PRR14L: variants seen among roughly 807,000 people sequenced by gnomAD.
The protein encoded by PRR14L is protein PRR14L.
A neutral mutation model predicts 155.0 loss-of-function variants in PRR14L; 80 were observed. The observed-to-expected ratio is 0.52, with a 90% CI of 0.43 to 0.62. The LOEUF is 0.62. PRR14L is among the 20% of genes least tolerant of loss of function. The pLI, the probability that PRR14L is intolerant of heterozygous loss-of-function variation, is 0.00. For synonymous variants in PRR14L, 883 were observed against 916.0 expected (o/e 0.96, Z 0.65); for missense variants, 2,469 against 2,548.0 (o/e 0.97, Z 0.67).
chr22:31,730,214 T>C (rs1360833958), intron 2 of PRR14L, among the ~76,000 whole-genome samples: 1 of 149,982 alleles, frequency 6.7e-6, no homozygotes, highest in Non-Finnish European at 1.5e-5. Flanking sequence ...CCAAGGCGGG[T>C]GGATCACAAG....
chr22:31,736,279 G>A lies in PRR14L; in HGVS notation c.474+2108C>T, dbSNP rs529655738. Among the ~76,000 whole-genome samples the A allele has an allele frequency of 3.1e-4, 47 of 149,222 alleles. 1 individual carries two copies. In the South Asian group the frequency reaches 8.0e-3, roughly 26 times the overall value. ...CACATGCCTGTAATCCCAGCTACTC[G>A]GGAGGCTGAAGCAGGAGAATTGCTT... On this transcript the variant is annotated intron_variant, in intron 2 of 8. Coordinates refer to ENST00000327423, the MANE Select transcript of PRR14L (RefSeq NM_173566.3).
intron 3 of PRR14L, among the ~76,000 whole-genome samples, chr22:31,718,534 G>A (rs1416533157): frequency 5.2e-5 from 7 of 135,348 alleles, no homozygotes; most frequent in Non-Finnish European, 9.5e-5. Context: ...GATTACAGGC[G>A]TGAGCCACCA....
chr22:31,707,245 AG>A (rs1373308605), intron 4 of PRR14L, among the ~76,000 whole-genome samples: 1 of 152,206 alleles, frequency 6.6e-6, no homozygotes, highest in Non-Finnish European at 1.5e-5. Flanking sequence ...TTTCAACACC[AG>A]GAAACAGAAA....
intron 4 of PRR14L, among the ~76,000 whole-genome samples, chr22:31,708,665 G>C (rs1234222431): frequency 6.6e-6 from 1 of 151,858 alleles, no homozygotes; most frequent in East Asian, 1.9e-4. Context: ...TCTTGAGACA[G>C]AGTCTCACTT....
intron 2 of PRR14L, among the ~76,000 whole-genome samples, chr22:31,737,833 C>T (rs1329677097): frequency 1.3e-5 from 2 of 151,666 alleles, no homozygotes; most frequent in Non-Finnish European, 2.9e-5. Context: ...GCCAACATGA[C>T]GAAACCCCGT....
intron 4 of PRR14L, among the ~76,000 whole-genome samples, chr22:31,709,078 C>G (rs907293874): frequency 6.6e-6 from 1 of 152,140 alleles, no homozygotes; most frequent in African/African-American, 2.4e-5. Context: ...CCGCCTTGGC[C>G]TCCCAAAGTG....
chr22:31,741,466 G>GA (rs1251206400), intron 1 of PRR14L, among the ~76,000 whole-genome samples: 2 of 150,448 alleles, frequency 1.3e-5, no homozygotes, highest in Admixed American at 1.3e-4. Flanking sequence ...CCATCTCAAA[G>GA]AAAAAAAAGA....
rs1475520549 is a variant in PRR14L at position 31,714,352 on chromosome 22, C to T, written c.3487G>A (p.Glu1163Lys). Residue 1163 changes from glutamate to lysine, a missense_variant, in exon 4 of 9, where the codon GAA (glutamate) becomes AAA (lysine). Physicochemically the swap from Glu to Lys is moderately conservative, Grantham distance 56. Around this residue, in one of 2 missense-constraint regions of PRR14L, gnomAD observed 2,363 missense variants for 2,371.6 expected, o/e 1.00. Transcript: ENST00000327423. Reference protein sequence around the residue: ...AHEMESVADHEPNKRILGRVN... With the variant: ...AHEMESVADHKPNKRILGRVN... ...CTGCCCAATATTCTTTTATTTGGTT[C>T]ATGATCTGCAACAGACTCCATCTCA... 6.4e-7 allele frequency: 1 copy of T among 1,551,686 alleles called. No individual in the cohort carries two copies. The highest frequency in any genetic ancestry group is 2.0e-5 in the Admixed American group (1 of 50,996).
At chr22:31,727,642 T>A (rs1345768904) in intron 2 of PRR14L, among the ~76,000 whole-genome samples, 1 of 152,176 alleles carries the variant, frequency 6.6e-6, no homozygotes, top group Non-Finnish European at 1.5e-5. Flanking sequence ...ACAGGAAGGC[T>A]GGAGACTCTA....
At position 31,737,917 on chromosome 22, in the gene PRR14L, A is replaced by G. The variant is rs533282736; in HGVS notation, c.474+470T>C. Among the ~76,000 whole-genome samples, 26 of 152,162 alleles carry G rather than the reference A, an allele frequency of 1.7e-4. 1 individual carries two copies. In the South Asian group the frequency reaches 5.2e-3, roughly 30 times the overall value. On this transcript the variant is annotated intron_variant, in intron 2 of 8. Coordinates refer to ENST00000327423, the MANE Select transcript of PRR14L (RefSeq NM_173566.3). ...TAATCACAGCTAATTTGGGAGGCTAAGGCAAGAGAATCACTTGAACCCAGA... is the reference window on the plus strand; with the variant it reads ...TAATCACAGCTAATTTGGGAGGCTAGGGCAAGAGAATCACTTGAACCCAGA...
At chr22:31,691,659 T>C (rs549321406) in intron 7 of PRR14L, among the ~76,000 whole-genome samples, 8 of 152,220 alleles carry the variant, frequency 5.3e-5, no homozygotes, top group Non-Finnish European at 1.0e-4. Flanking sequence ...ATGAATCATA[T>C]AGAATGTGCT....
In PRR14L at chr22:31,716,869, T is replaced by C. The variant is rs2074663247; in HGVS notation, c.970A>G (p.Ser324Gly). 1.2e-5 allele frequency: 19 copies of C among 1,552,032 alleles called. No homozygotes were observed. The highest frequency in any genetic ancestry group is 1.6e-5 in the Non-Finnish European group (18 of 1,147,058). The change falls in exon 4 of 9, where the codon AGT becomes GGT. Residue 324 changes from serine to glycine, a missense_variant. By Grantham distance (56) the Ser-to-Gly change is moderately conservative. Coordinates refer to ENST00000327423, the MANE Select transcript of PRR14L (RefSeq NM_173566.3). ...QLHGHHNEQP[S>G]STHDSPTATS... is the part of the protein sequence containing the mutation. ...GCTGTGGGACTATCATGTGTAGAAC[T>C]GGGTTGTTCATTATGGTGGCCATGA...
chr22:31,685,485 C>T lies in PRR14L; in HGVS notation c.*42G>A, dbSNP rs1556447268. On this transcript the variant is annotated 3_prime_UTR_variant, in exon 9 of 9. Coordinates refer to ENST00000327423, the MANE Select transcript of PRR14L (RefSeq NM_173566.3). ...AAAAAAACCCAAAAACAAAACAAAA[C>T]AAAAAAACCCTAAAATTGAGACCCT... 1 of 1,359,680 alleles carries T rather than the reference C, an allele frequency of 7.4e-7. No homozygotes were observed. Among genetic ancestry groups the T allele is most frequent in the Non-Finnish European group, 9.7e-7 (1 of 1,026,678 alleles). 84.2% of individuals were successfully genotyped at this position (1,359,680 alleles called of 1,614,324 possible). A position where few individuals can be genotyped will look rare whatever the true frequency, so the allele number is the denominator to read the frequency against.
At chr22:31,698,659 G>T (rs755424939) in intron 7 of PRR14L, among the ~76,000 whole-genome samples, 3 of 151,982 alleles carry the variant, frequency 2.0e-5, no homozygotes, top group African/African-American at 7.2e-5. Flanking sequence ...GGTGGGTCAC[G>T]CCTGTAATCC....
chr22:31,736,680 T>G (rs181275122), intron 2 of PRR14L, among the ~76,000 whole-genome samples: 14 of 152,240 alleles, frequency 9.2e-5, no homozygotes, highest in Admixed American at 5.9e-4. Context: ...ACAGCCACAT[T>G]CATTCATTTA....
In PRR14L at chr22:31,709,226, C is replaced by T. The variant is rs184829152; in HGVS notation, c.5756+2857G>A. Among the ~76,000 whole-genome samples the T allele has an allele frequency of 3.3e-3, 494 of 148,640 alleles. 2 individuals are homozygous for T. Among genetic ancestry groups the T allele is most frequent in the African/African-American group, 0.012 (475 of 40,416 alleles). ...CCAAAGTGCTGGGATTACAAGCATG[C>T]GCCACCACACCTGGCCTATTTGTTG... is the stretch of plus-strand genomic sequence containing the variant. On this transcript the variant is annotated intron_variant, in intron 4 of 8. Coordinates refer to ENST00000327423, the MANE Select transcript of PRR14L (RefSeq NM_173566.3).
chr22:31,697,370 G>A (rs904449876), intron 7 of PRR14L, among the ~76,000 whole-genome samples: 1 of 151,532 alleles, frequency 6.6e-6, no homozygotes, highest in East Asian at 1.9e-4. Context: ...GGTATCTCAT[G>A]GAAAGGAGTT....
chr22:31,748,973 G>T (rs1037573096), intron 1 of PRR14L, among the ~76,000 whole-genome samples: 5 of 152,190 alleles, frequency 3.3e-5, no homozygotes, highest in African/African-American at 9.6e-5. Flanking sequence ...AGAAAGGATG[G>T]TTGAACACTT....
rs33960159 is a variant in PRR14L at position 31,685,450 on chromosome 22, C to CA, written c.*76dup. 29,486 of 1,095,974 alleles carry CA rather than the reference C, an allele frequency of 0.027. 1 individual carries two copies. Among genetic ancestry groups the CA allele is most frequent in the East Asian group, 0.044 (1,571 of 35,444 alleles). The allele number at this position is 1,095,974 out of a possible 1,614,324, so 67.9% of individuals were successfully genotyped here. A position where few individuals can be genotyped will look rare whatever the true frequency, so the allele number is the denominator to read the frequency against. ...TTAGGCAACCTTTTCCAAGGAGGTC[C>CA]AAAAAAAAAAAAAAAACCCAAAAAC... On this transcript the variant is annotated 3_prime_UTR_variant, in exon 9 of 9. Coordinates refer to ENST00000327423, the MANE Select transcript of PRR14L (RefSeq NM_173566.3).
Sources: gnomAD v4.1 joint callset for allele counts (sites outside exome capture counted in the v4.1 genomes callset) on GRCh38, gnomAD v4.1.1 for gene constraint, gnomAD v4.1.1 regional missense constraint, MANE v1.5 for transcripts, NCBI Gene and HGNC (gene_info 2026-07-23, HGNC 2026-07-21) for gene names.